Variants in DDR1 observed in about 807,000 individuals in gnomAD.
The protein encoded by DDR1 is epithelial discoidin domain-containing receptor 1.
In DDR1, 64 loss-of-function variants were observed where a neutral mutation model predicts 97.4. The observed-to-expected ratio is 0.66, with a 90% CI of 0.54 to 0.81. The LOEUF is 0.81. Ranked by LOEUF, DDR1 falls within the 30% of genes least tolerant of loss-of-function variation. DDR1 has a pLI of 0.00. For synonymous variants in DDR1, 458 were observed against 503.7 expected, an observed-to-expected ratio of 0.91 and a Z score of 1.21; for missense variants, 990 against 1,259.6, an observed-to-expected ratio of 0.79 and a Z score of 3.24.
rs114040880 is a variant in DDR1, at chr6:30,890,102, C to T, written c.417+672C>T. 0.013 allele frequency among the ~76,000 whole-genome samples: 1,916 copies of T among 152,238 alleles called. 49 individuals are homozygous for T. Among genetic ancestry groups the T allele is most frequent in the African/African-American group, 0.044 (1,817 of 41,534 alleles). ...CCCTTTTCTGCCTGGAGTCAAATCT[C>T]CACCTGGGGGGGCGGCATCCAGTGG... is the stretch of plus-strand genomic sequence containing the variant. On this transcript the variant is annotated intron_variant, in intron 4 of 17. Coordinates refer to ENST00000376568, the MANE Select transcript of DDR1 (RefSeq NM_001297654.2). The surrounding 1 kb of genome is among the most constrained non-coding windows in gnomAD (Gnocchi z 5.0).
chr6:30,889,278 G>A lies in DDR1; in HGVS notation c.265G>A (p.Val89Met). 1 of 1,613,046 alleles carries A rather than the reference G, an allele frequency of 6.2e-7. No individual in the cohort carries two copies. Among genetic ancestry groups the A allele is most frequent in the Non-Finnish European group, 8.5e-7 (1 of 1,180,026 alleles). ...TCCCAAGGAGGAGGAGTACTTGCAG[G>A]TGGATCTACAACGACTGCACCTGGT... is the stretch of plus-strand genomic sequence containing the variant. ...VFPKEEEYLQ[V>M]DLQRLHLVAL... The change falls in exon 4 of 18, where the codon GTG (valine) becomes ATG (methionine). Residue 89 changes from valine (V) to methionine (M), a missense_variant. Transcript: ENST00000376568. This position sits in a 1 kb window ranked among gnomAD's most constrained non-coding sequence, Gnocchi z 4.9.
At chr6:30,885,587 C>T in intron 1 of DDR1, 1 of 1,400,496 alleles carries the variant, frequency 7.1e-7, no homozygotes, top group Non-Finnish European at 9.4e-7. Flanking sequence ...GTCTTTTGGT[C>T]ACAGGAGCAT....
In DDR1 at chr6:30,889,753, G is replaced by A. The variant is rs528955261; in HGVS notation, c.417+323G>A. ...TAGCCAGCCACCTAGATGTCTAATA[G>A]GCATCTCAAACGTACGTTTAACTTC... On this transcript the variant is annotated intron_variant, in intron 4 of 17. Transcript: ENST00000376568. The surrounding 1 kb of genome is among the most constrained non-coding windows in gnomAD (Gnocchi z 4.9). Among the ~76,000 whole-genome samples, 3 of 152,026 alleles carry A rather than the reference G, an allele frequency of 2.0e-5. No individual in the cohort carries two copies. Among genetic ancestry groups the A allele is most frequent in the African/African-American group, 7.2e-5 (3 of 41,448 alleles).
Position 30,894,499 on chromosome 6 carries a change from TG to T in DDR1, c.1348-6del. ...ACACGGGTGATGCCTCCCATCCCTA[TG>T]ACAAGGCTGAACGGAGGGTGTTGGA... On this transcript the variant is annotated splice_region_variant and splice_polypyrimidine_tract_variant and intron_variant, in intron 10 of 17. Transcript: ENST00000376568. This position sits in a 1 kb window ranked among gnomAD's most constrained non-coding sequence, Gnocchi z 5.7. 6.2e-7 allele frequency: 1 copy of T among 1,603,514 alleles called. No individual in the cohort carries two copies. The highest frequency in any genetic ancestry group is 1.1e-5 in the South Asian group (1 of 89,606).
At chr6:30,898,778 A>C in intron 16 of DDR1, 110 bp from the exon 17 acceptor site, 44 of 1,155,694 alleles carry the variant, frequency 3.8e-5, no homozygotes, top group Non-Finnish European at 5.4e-5. Flanking sequence ...GTCAGGAGGG[A>C]TCAGGCCTGA....
Position 30,898,271 on chromosome 6 carries a change from G to C in DDR1, c.2415G>C (p.Leu805=). Residue 805 remains leucine, a synonymous_variant, in exon 16 of 18, where the codon CTG becomes CTC. Coordinates refer to ENST00000376568, the MANE Select transcript of DDR1 (RefSeq NM_001297654.2). ...DYYRVQGRAV[L]PIRWMAWECI... ...ACCGTGTGCAGGGCCGGGCAGTGCT[G>C]CCCATCCGCTGGATGGCCTGGGAGT... 1 of 1,614,078 alleles carries C rather than the reference G, an allele frequency of 6.2e-7. No individual in the cohort carries two copies. The highest frequency in any genetic ancestry group is 1.3e-5 in the African/African-American group (1 of 75,046).
At position 30,895,502 on chromosome 6, in the gene DDR1, A is replaced by G. The variant is rs1482623572; in HGVS notation, c.1612A>G (p.Thr538Ala). 2 of 1,593,496 alleles carry G rather than the reference A, an allele frequency of 1.3e-6. No individual in the cohort carries two copies. Among genetic ancestry groups the G allele is most frequent in the Admixed American group, 3.4e-5 (2 of 58,928 alleles). The change falls in exon 12 of 18, where the codon ACC becomes GCC. Residue 538 changes from threonine to alanine, a missense_variant. Coordinates refer to ENST00000376568, the MANE Select transcript of DDR1 (RefSeq NM_001297654.2). ...CCCCACACCCGCCTGGGCCAAACCC[A>G]CCAACACCCAGGGTAAGCCCCTCTG... ...GPPTPAWAKP[T>A]NTQAYSGDYM... is the part of the protein sequence containing the mutation.
Position 30,897,135 on chromosome 6 carries a change from A to G in DDR1, c.1991A>G (p.Asn664Ser). The change falls in exon 14 of 18, where the codon AAT (asparagine) becomes AGT (serine). Residue 664 changes from asparagine to serine, a missense_variant. Coordinates refer to ENST00000376568, the MANE Select transcript of DDR1 (RefSeq NM_001297654.2). The surrounding 1 kb of genome is among the most constrained non-coding windows in gnomAD (Gnocchi z 5.2). ...VKILRPDATK[N>S]ARNDFLKEVK... ...ATCTTACGGCCAGATGCCACCAAGA[A>G]TGCCAGGTGAGGACCAGGGATGGCA... The G allele has an allele frequency of 6.2e-7, 1 of 1,613,898 alleles. No individual in the cohort carries two copies. The highest frequency in any genetic ancestry group is 2.2e-5 in the East Asian group (1 of 44,866).
rs1789316019 is a variant in DDR1, at chr6:30,893,283, A to G, written c.1207A>G (p.Arg403Gly). The G allele has an allele frequency of 1.2e-6, 2 of 1,604,836 alleles. No homozygotes were observed. Among genetic ancestry groups the G allele is most frequent in the South Asian group, 1.1e-5 (1 of 90,986 alleles). The part of the protein sequence containing the change: ...TNFSSLELEP[R>G]GQQPVAKAEG... ...GCTGCCTCCACCAGAGCTGGAGCCC[A>G]GAGGCCAGCAGCCCGTGGCCAAGGC... is the stretch of plus-strand genomic sequence containing the variant. Residue 403 changes from arginine to glycine, a missense_variant, in exon 10 of 18, where the codon AGA becomes GGA. By Grantham distance (125) the Arg-to-Gly change is moderately radical. Coordinates refer to ENST00000376568, the MANE Select transcript of DDR1 (RefSeq NM_001297654.2).
intron 12 of DDR1, among the ~76,000 whole-genome samples, 182 bp downstream of exon 12, chr6:30,895,696 T>C (rs1373635519): frequency 6.6e-6 from 1 of 151,838 alleles, no homozygotes; most frequent in East Asian, 1.9e-4. Flanking sequence ...TTTTTTAAGG[T>C]CCCCCCCTTG....
At chr6:30,885,689 G>C in intron 1 of DDR1, 3 of 1,316,888 alleles carry the variant, frequency 2.3e-6, no homozygotes, top group Non-Finnish European at 3.0e-6. Flanking sequence ...AGGTGTGGAC[G>C]GGTTGATGTA....
Position 30,896,827 on chromosome 6 carries a change from C to T in DDR1, c.1831C>T (p.Arg611Cys), listed in dbSNP as rs374807652. 12 of 1,589,506 alleles carry T rather than the reference C, an allele frequency of 7.5e-6. No homozygotes were observed. The highest frequency in any genetic ancestry group is 4.0e-5 in the African/African-American group (3 of 74,446). ...AGTGGATTTCCCTCGATCTCGACTC[C>T]GCTTCAAGGAGAAGCTTGGCGAGGG... ...PRVDFPRSRL[R>C]FKEKLGEGQF... The change falls in exon 13 of 18, where the codon CGC (arginine) becomes TGC (cysteine). Residue 611 changes from arginine (R) to cysteine (C), a missense_variant. Coordinates refer to ENST00000376568, the MANE Select transcript of DDR1 (RefSeq NM_001297654.2).
At position 30,891,884 on chromosome 6, in the gene DDR1, T is replaced by G; in HGVS notation, c.666-118T>G. On this transcript the variant is annotated intron_variant, in intron 6 of 17. Coordinates refer to ENST00000376568, the MANE Select transcript of DDR1 (RefSeq NM_001297654.2). This position sits in a 1 kb window ranked among gnomAD's most constrained non-coding sequence, Gnocchi z 5.3. ...GTGTGAGGTGGGATGGGAATGGGAC[T>G]AGTGGATGGGAGCCAGGCTGGCCAT... 1 of 1,077,886 alleles carries G rather than the reference T, an allele frequency of 9.3e-7. No homozygotes were observed. The highest frequency in any genetic ancestry group is 1.4e-5 in the South Asian group (1 of 71,632). 66.8% of individuals were successfully genotyped at this position (1,077,886 alleles called of 1,614,324 possible). A position where few individuals can be genotyped will look rare whatever the true frequency, so the allele number is the denominator to read the frequency against.
rs1790102485 is a variant in DDR1, at chr6:30,894,870, C to G, written c.1513+199C>G. Reference sequence around the variant, plus strand: ...GAGTTCCCCATGTATTACCCATAGTCCCCCGTGGTGCTATCTTGTCTGTGT... The same window carrying G: ...GAGTTCCCCATGTATTACCCATAGTGCCCCGTGGTGCTATCTTGTCTGTGT... On this transcript the variant is annotated intron_variant, in intron 11 of 17. Coordinates refer to ENST00000376568, the MANE Select transcript of DDR1 (RefSeq NM_001297654.2). This position sits in a 1 kb window ranked among gnomAD's most constrained non-coding sequence, Gnocchi z 5.7. Among the ~76,000 whole-genome samples the G allele has an allele frequency of 6.6e-6, 1 of 152,132 alleles. No homozygotes were observed. Among genetic ancestry groups the G allele is most frequent in the South Asian group, 2.1e-4 (1 of 4,824 alleles).
At chr6:30,892,764 T>A (rs993644661) in intron 8 of DDR1, 1 of 608,762 alleles carries the variant, frequency 1.6e-6, no homozygotes, top group Non-Finnish European at 2.8e-6. Context: ...TGACTATTAT[T>A]GAGCCAGTAT....
At chr6:30,892,938 C>G in intron 8 of DDR1, 130 bp from the exon 9 acceptor site, 1 of 799,862 alleles carries the variant, frequency 1.3e-6, no homozygotes, top group South Asian at 1.7e-5. Flanking sequence ...CCCCAGCCCC[C>G]ACTGGTCAGT....
chr6:30,885,193 A>G (rs1562364175), intron 1 of DDR1: 27 of 1,531,670 alleles, frequency 1.8e-5, no homozygotes, highest in Non-Finnish European at 2.3e-5. Flanking sequence ...TCCCGGCTGG[A>G]TGGTCAATTA....
intron 10 of DDR1, 46 bp downstream of exon 10, chr6:30,893,469 C>A: frequency 6.4e-7 from 1 of 1,558,232 alleles, no homozygotes; most frequent in East Asian, 2.3e-5. Flanking sequence ...AGGCCAGGCC[C>A]CAGCACGAGC....
rs952147245 is a variant in DDR1 at position 30,892,502 on chromosome 6, G to C, written c.1059G>C (p.Ala353=). ...TTCTGCAGTGCCGCTTCCTCTTTGC[G>C]GGGCCCTGGTTACTCTTCAGCGAAA... ...ARFLQCRFLF[A]GPWLLFSEIS... Residue 353 remains alanine, a synonymous_variant, in exon 8 of 18, where the codon GCG becomes GCC. Coordinates refer to ENST00000376568, the MANE Select transcript of DDR1 (RefSeq NM_001297654.2). The C allele has an allele frequency of 1.9e-6, 3 of 1,607,928 alleles. No homozygotes were observed. Among genetic ancestry groups the C allele is most frequent in the African/African-American group, 2.7e-5 (2 of 74,850 alleles).
Sources: allele counts gnomAD v4.1 joint callset (sites outside exome capture counted in the v4.1 genomes callset), GRCh38; gene constraint gnomAD v4.1.1; non-coding constraint Gnocchi (gnomAD v3.1); transcripts MANE v1.5; gene names NCBI Gene and HGNC (gene_info 2026-07-23, HGNC 2026-07-21).